IMPA1: variants seen among roughly 807,000 people sequenced by gnomAD.
IMPA1 encodes the protein inositol monophosphatase 1.
In IMPA1, 21 loss-of-function variants were observed where a neutral mutation model predicts 34.9. That is an observed-to-expected ratio of 0.60 (90% CI 0.43 to 0.87). The LOEUF (loss-of-function observed/expected upper bound fraction) is 0.87, where lower values mean the gene tolerates loss of function less well. IMPA1 is among the 40% of genes least tolerant of loss of function. IMPA1 has a pLI of 0.00. For missense variants in IMPA1, 299 were observed against 336.4 expected (o/e 0.89, Z 0.87); for synonymous variants, 95 against 104.4 (o/e 0.91, Z 0.55).
chr8:81,684,900 CATAA>C (rs1807450123), intron 1 of IMPA1, among the ~76,000 whole-genome samples: 1 of 128,524 alleles, frequency 7.8e-6, no homozygotes, highest in African/African-American at 3.0e-5. Flanking sequence ...ATATACTATA[CATAA>C]GTATATTTAG....
intron 7 of IMPA1, among the ~76,000 whole-genome samples, chr8:81,666,348 A>G (rs1445536452): frequency 1.3e-5 from 2 of 152,238 alleles, no homozygotes; most frequent in Non-Finnish European, 2.9e-5. Flanking sequence ...TAACTATAAC[A>G]TCATACAGAC....
intron 7 of IMPA1, 93 bp downstream of exon 7, chr8:81,670,846 T>C (rs748303412): frequency 9.8e-6 from 6 of 609,746 alleles, no homozygotes; most frequent in Non-Finnish European, 1.7e-5. Flanking sequence ...ATGATGTATA[T>C]AATTTACTCT....
At chr8:81,671,286 A>G (rs981184345) in intron 6 of IMPA1, among the ~76,000 whole-genome samples, 2 of 152,164 alleles carry the variant, frequency 1.3e-5, no homozygotes, top group African/African-American at 4.8e-5. Context: ...GCCTGCATAC[A>G]TAATACTTAG....
rs1437588634 is a variant in IMPA1, at chr8:81,659,222, A to G, written c.*129T>C. 1 of 664,624 alleles carries G rather than the reference A, an allele frequency of 1.5e-6. No individual in the cohort carries two copies. Among genetic ancestry groups the G allele is most frequent in the Non-Finnish European group, 2.7e-6 (1 of 373,098 alleles). 41.2% of individuals were successfully genotyped at this position (664,624 alleles called of 1,614,324 possible). ...ACCTAGACATAGTAAAATAAGAAAC[A>G]AGTTCCAAATTTTTGACCTGGACAA... On this transcript the variant is annotated 3_prime_UTR_variant, in exon 9 of 9. Coordinates refer to ENST00000256108, the MANE Select transcript of IMPA1 (RefSeq NM_005536.4).
chr8:81,677,514 T>C (rs1021206209), intron 4 of IMPA1, among the ~76,000 whole-genome samples: 23 of 152,314 alleles, frequency 1.5e-4, no homozygotes, highest in Non-Finnish European at 2.6e-4. Flanking sequence ...CTCTGAAAAG[T>C]AGACTTTGAG....
At chr8:81,668,541 T>C (rs1806899125) in intron 7 of IMPA1, among the ~76,000 whole-genome samples, 1 of 152,124 alleles carries the variant, frequency 6.6e-6, no homozygotes, top group Non-Finnish European at 1.5e-5. Flanking sequence ...TGCACTGAGC[T>C]ATAATTGCAC....
rs759509153 is a variant in IMPA1 at position 81,671,036 on chromosome 8, A to C, written c.469T>G (p.Ser157Ala). ...QVSQQEDITK[S>A]LLVTELGSSR... is the part of the protein sequence containing the mutation. ...GAGCCCAACTCAGTCACCAAGAGAG[A>C]TTTGGTAATATCTAAAAAGAAAGTG... Residue 157 changes from serine to alanine, a missense_variant, in exon 7 of 9, where the codon TCT becomes GCT. By Grantham distance (99) the Ser-to-Ala change is moderately conservative (BLOSUM62 1). Transcript: ENST00000256108. 34 of 1,478,330 alleles carry C rather than the reference A, an allele frequency of 2.3e-5. 1 individual carries two copies. In the South Asian group the frequency reaches 4.5e-4, roughly 20 times the overall value. The allele number at this position is 1,478,330 out of a possible 1,614,324, so 91.6% of individuals were successfully genotyped here.
chr8:81,660,505 CATA>C lies in IMPA1; in HGVS notation c.718+8_718+10del, dbSNP rs1379133020. On this transcript the variant is annotated splice_region_variant and intron_variant, in intron 8 of 8. Transcript: ENST00000256108. ...ATGTGTGGAGATCTGCTTCACTCTC[CATA>C]ATTTTACCTGTAACATCCATTAGCA... 6.2e-7 allele frequency: 1 copy of C among 1,611,046 alleles called. No homozygotes were observed. Among genetic ancestry groups the C allele is most frequent in the South Asian group, 1.1e-5 (1 of 90,752 alleles).
At chr8:81,684,656 ATAC>A (rs1021508506) in intron 1 of IMPA1, among the ~76,000 whole-genome samples, 7 of 141,582 alleles carry the variant, frequency 4.9e-5, no homozygotes, top group African/African-American at 1.8e-4. Flanking sequence ...ATAAGTATAT[ATAC>A]TACACATAAG....
chr8:81,663,572 AGAT>A (rs1274241661), intron 7 of IMPA1, among the ~76,000 whole-genome samples: 3 of 152,214 alleles, frequency 2.0e-5, no homozygotes, highest in African/African-American at 7.2e-5. Context: ...CTGGATTATT[AGAT>A]GATCTTTGAT....
At chr8:81,684,665 AT>A (rs1563592692) in intron 1 of IMPA1, among the ~76,000 whole-genome samples, 1 of 141,794 alleles carries the variant, frequency 7.1e-6, no homozygotes, top group African/African-American at 2.6e-5. Flanking sequence ...TATACTACAC[AT>A]AAGTATATTT....
At chr8:81,680,363 A>G (rs560252338) in intron 3 of IMPA1, among the ~76,000 whole-genome samples, 1 of 152,186 alleles carries the variant, frequency 6.6e-6, no homozygotes, top group African/African-American at 2.4e-5. Context: ...AGGAGATGTC[A>G]GCTTCCATGT....
At chr8:81,669,871 G>C (rs371416301) in intron 7 of IMPA1, among the ~76,000 whole-genome samples, 1 of 152,178 alleles carries the variant, frequency 6.6e-6, no homozygotes, top group Non-Finnish European at 1.5e-5. Context: ...CTCATGAATG[G>C]ATTAATCCAC....
chr8:81,680,806 A>T, intron 2 of IMPA1, 23 bp from the exon 3 acceptor site: 1 of 1,550,994 alleles, frequency 6.4e-7, no homozygotes, highest in Non-Finnish European at 8.8e-7. Context: ...TTTGGTAAGC[A>T]AATAGAAAAG....
chr8:81,676,561 G>A (rs1373377812), intron 4 of IMPA1, among the ~76,000 whole-genome samples: 2 of 152,186 alleles, frequency 1.3e-5, no homozygotes, highest in Non-Finnish European at 2.9e-5. Context: ...AAGGATTCAC[G>A]AGAAACTTGT....
chr8:81,680,809 TAG>T (rs778751820), intron 2 of IMPA1, 26 bp from the exon 3 acceptor site: 4 of 1,528,674 alleles, frequency 2.6e-6, no homozygotes, highest in Non-Finnish European at 3.6e-6. Flanking sequence ...GGTAAGCAAA[TAG>T]AAAAGGCATA....
At chr8:81,681,654 A>G (rs1807303912) in intron 1 of IMPA1, 70 bp from the exon 2 acceptor site, 5 of 855,400 alleles carry the variant, frequency 5.8e-6, no homozygotes, top group Non-Finnish European at 9.7e-6. Flanking sequence ...AAACGTCTTA[A>G]TTAGAAACAG....
At chr8:81,664,693 C>T (rs756116687) in intron 7 of IMPA1, among the ~76,000 whole-genome samples, 3 of 150,680 alleles carry the variant, frequency 2.0e-5, no homozygotes, top group Non-Finnish European at 3.0e-5. Flanking sequence ...TCCTTGGAAA[C>T]AAGTGAAGGA....
At chr8:81,668,932 A>G (rs1427907965) in intron 7 of IMPA1, among the ~76,000 whole-genome samples, 1 of 152,178 alleles carries the variant, frequency 6.6e-6, no homozygotes, top group Non-Finnish European at 1.5e-5. Context: ...CCTACATCCC[A>G]GCCAAGGTCA....
Sources: gnomAD v4.1 joint callset for allele counts (sites outside exome capture counted in the v4.1 genomes callset) on GRCh38, gnomAD v4.1.1 for gene constraint, MANE v1.5 for transcripts, NCBI Gene and HGNC (gene_info 2026-07-23, HGNC 2026-07-21) for gene names.